Variants in FAM120A observed in about 807,000 individuals in gnomAD.
FAM120A encodes the protein family with sequence similarity 120 member A.
FAM120A carries 15 observed loss-of-function variants against 109.7 expected under a neutral mutation model. The observed-to-expected ratio is 0.14, with a 90% CI of 0.09 to 0.21. The LOEUF (loss-of-function observed/expected upper bound fraction) is 0.21. FAM120A is among the 10% of genes least tolerant of loss of function. The pLI, the probability that FAM120A is intolerant of heterozygous loss-of-function variation, is 1.00. For missense variants in FAM120A, 899 were observed against 1,439.3 expected, an observed-to-expected ratio of 0.62 and a Z score of 6.07; for synonymous variants, 493 against 572.8, an observed-to-expected ratio of 0.86 and a Z score of 1.99.
intron 3 of FAM120A, among the ~76,000 whole-genome samples, chr9:93,477,161 A>G (rs1858584193): frequency 6.6e-6 from 1 of 152,180 alleles, no homozygotes; most frequent in African/African-American, 2.4e-5. Flanking sequence ...AAGGGCTGTA[A>G]AATTTTGAAT....
chr9:93,485,580 A>G (rs1272586178), intron 3 of FAM120A, among the ~76,000 whole-genome samples: 1 of 152,130 alleles, frequency 6.6e-6, no homozygotes, highest in African/African-American at 2.4e-5. Flanking sequence ...CTTGTGCGAC[A>G]GAGTAAGACC....
At position 93,497,301 on chromosome 9, in the gene FAM120A, G is replaced by GT. The variant is rs1189845538; in HGVS notation, c.805-169dup. Among the ~76,000 whole-genome samples the GT allele has an allele frequency of 5.9e-5, 9 of 152,334 alleles. No individual in the cohort carries two copies. In the East Asian group the frequency reaches 1.7e-3, roughly 29 times the overall value. On this transcript the variant is annotated intron_variant, in intron 3 of 17. Transcript: ENST00000277165. ...AAATCCAGTTCTTGAGCTTCAGAAC[G>GT]TGAACGGCTTAGGAAAGTCTTAGGG...
At chr9:93,506,033 T>C (rs1446223081) in intron 5 of FAM120A, among the ~76,000 whole-genome samples, 1 of 152,212 alleles carries the variant, frequency 6.6e-6, no homozygotes, top group African/African-American at 2.4e-5. Flanking sequence ...CTCAGTTCTG[T>C]TGAATTTCTG....
chr9:93,527,138 G>C lies in FAM120A; in HGVS notation c.1419-17G>C. 1.2e-6 allele frequency: 2 copies of C among 1,611,428 alleles called. No homozygotes were observed. Among genetic ancestry groups the C allele is most frequent in the Non-Finnish European group, 1.7e-6 (2 of 1,177,590 alleles). ...GTGAAAGTGATTGGACAGTAATCAT[G>C]TTCATTTTATGTTTAGCCATATCAG... On this transcript the variant is annotated splice_polypyrimidine_tract_variant and intron_variant, in intron 7 of 17. Coordinates refer to ENST00000277165, the MANE Select transcript of FAM120A (RefSeq NM_014612.5).
Position 93,558,639 on chromosome 9 carries a change from C to T in FAM120A, c.2727C>T (p.Ala909=), listed in dbSNP as rs761300682. 1.1e-5 allele frequency: 17 copies of T among 1,614,196 alleles called. No homozygotes were observed. Among genetic ancestry groups the T allele is most frequent in the Non-Finnish European group, 1.4e-5 (16 of 1,180,032 alleles). Residue 909 remains alanine, a synonymous_variant, in exon 15 of 18, where the codon GCC becomes GCT. Coordinates refer to ENST00000277165, the MANE Select transcript of FAM120A (RefSeq NM_014612.5). Reference sequence around the variant, plus strand: ...CGGTAGCAACAGGCCCTTACCGTGCCTTCCGTGTGGCGGCAGCATCGGGAC... The same window carrying T: ...CGGTAGCAACAGGCCCTTACCGTGCTTTCCGTGTGGCGGCAGCATCGGGAC... ...GETVATGPYR[A]FRVAAASGHC...
intron 17 of FAM120A, 71 bp downstream of exon 17, chr9:93,562,375 C>A: frequency 8.7e-7 from 1 of 1,146,432 alleles, no homozygotes; most frequent in South Asian, 1.3e-5. Flanking sequence ...GCTTGCACTT[C>A]TAGTACCTGC....
At chr9:93,523,560 G>C (rs367924882) in intron 7 of FAM120A, among the ~76,000 whole-genome samples, 1 of 152,096 alleles carries the variant, frequency 6.6e-6, no homozygotes, top group Non-Finnish European at 1.5e-5. Flanking sequence ...ATATCATTAC[G>C]TTGTGTTCTA....
At chr9:93,553,325 C>A (rs1862169706) in intron 12 of FAM120A, among the ~76,000 whole-genome samples, 2 of 152,162 alleles carry the variant, frequency 1.3e-5, no homozygotes, top group South Asian at 4.1e-4. Flanking sequence ...GCCTTAAATT[C>A]TTTTAACAGT....
chr9:93,557,676 C>A (rs992272930), intron 13 of FAM120A, 151 bp from the exon 14 acceptor site: 2 of 781,058 alleles, frequency 2.6e-6, no homozygotes, highest in Non-Finnish European at 3.9e-6. Context: ...TACAAATAAA[C>A]GTTAGCAAGT....
chr9:93,522,259 A>G (rs191684004), intron 7 of FAM120A, among the ~76,000 whole-genome samples: 19 of 152,360 alleles, frequency 1.2e-4, no homozygotes, highest in Admixed American at 9.8e-4. Context: ...AAAGTTATAT[A>G]GAATTCAAAC....
intron 5 of FAM120A, among the ~76,000 whole-genome samples, chr9:93,504,765 C>T (rs1365396290): frequency 6.6e-6 from 1 of 152,114 alleles, no homozygotes; most frequent in East Asian, 1.9e-4. Flanking sequence ...TTTCATGTGA[C>T]CTGATGTGCC....
intron 3 of FAM120A, among the ~76,000 whole-genome samples, chr9:93,489,772 A>G: frequency 6.6e-6 from 1 of 152,330 alleles, no homozygotes; most frequent in East Asian, 1.9e-4. Context: ...GTATCTGACA[A>G]TTCTGGGGTC....
chr9:93,532,304 T>G lies in FAM120A; in HGVS notation c.1884T>G (p.Phe628Leu). The G allele has an allele frequency of 6.2e-7, 1 of 1,614,236 alleles. No individual in the cohort carries two copies. The highest frequency in any genetic ancestry group is 8.5e-7 in the Non-Finnish European group (1 of 1,180,040). Residue 628 changes from phenylalanine (F) to leucine (L), a missense_variant, in exon 10 of 18, where the codon TTT (phenylalanine) becomes TTG (leucine). By Grantham distance (22) the Phe-to-Leu change is conservative. Transcript: ENST00000277165. This position sits in a 1 kb window ranked among gnomAD's most constrained non-coding sequence, Gnocchi z 4.3. ...GAAAGAAAACTGAGAGACTTGCTTT[T>G]AGAAAGAACAGACTTCCACCAGAAT... is the stretch of plus-strand genomic sequence containing the variant. ...ESRKKTERLA[F>L]RKNRLPPEFS... is the part of the protein sequence containing the mutation.
At chr9:93,493,107 C>T (rs1480621038) in intron 3 of FAM120A, among the ~76,000 whole-genome samples, 1 of 152,180 alleles carries the variant, frequency 6.6e-6, no homozygotes, top group African/African-American at 2.4e-5. Flanking sequence ...CCCAGGCTCT[C>T]CGGGTGCTAC....
chr9:93,487,817 T>G (rs1306364838), intron 3 of FAM120A, among the ~76,000 whole-genome samples: 1 of 152,216 alleles, frequency 6.6e-6, no homozygotes, highest in Non-Finnish European at 1.5e-5. Context: ...TTTTATTCCA[T>G]GTGAAGTATT....
In FAM120A at chr9:93,561,265, A is replaced by G. The variant is rs2131574345; in HGVS notation, c.2948+15A>G. On this transcript the variant is annotated intron_variant, in intron 16 of 17. Coordinates refer to ENST00000277165, the MANE Select transcript of FAM120A (RefSeq NM_014612.5). ...CCAGCTAGAGGGTAAGTTCTGAGCCACGAAAATGTCTTTTGTATAAGTAAA... is the reference window on the plus strand; with the variant it reads ...CCAGCTAGAGGGTAAGTTCTGAGCCGCGAAAATGTCTTTTGTATAAGTAAA... 1 of 1,594,404 alleles carries G rather than the reference A, an allele frequency of 6.3e-7. No individual in the cohort carries two copies. Among genetic ancestry groups the G allele is most frequent in the East Asian group, 2.2e-5 (1 of 44,536 alleles).
At chr9:93,490,070 G>T (rs1859247246) in intron 3 of FAM120A, among the ~76,000 whole-genome samples, 1 of 152,190 alleles carries the variant, frequency 6.6e-6, no homozygotes, top group Non-Finnish European at 1.5e-5. Context: ...CAGGAAATTT[G>T]AAGGGTGGTT....
intron 9 of FAM120A, among the ~76,000 whole-genome samples, chr9:93,531,816 G>A (rs1274053136): frequency 6.6e-6 from 1 of 152,160 alleles, no homozygotes; most frequent in East Asian, 1.9e-4. Context: ...AATAAAAGTT[G>A]CGAGTTCTCA....
chr9:93,453,547 C>G (rs1857389037), intron 1 of FAM120A: 1 of 985,404 alleles, frequency 1.0e-6, no homozygotes, highest in Non-Finnish European at 1.2e-6. Context: ...GCGGTTGCCC[C>G]CACTGCCCGC....
Sources: allele counts gnomAD v4.1 joint callset (sites outside exome capture counted in the v4.1 genomes callset), GRCh38; gene constraint gnomAD v4.1.1; non-coding constraint Gnocchi (gnomAD v3.1); transcripts MANE v1.5; gene names NCBI Gene and HGNC (gene_info 2026-07-23, HGNC 2026-07-21).